SLC4A3: variants seen among roughly 807,000 people sequenced by gnomAD.
SLC4A3 encodes solute carrier family 4 member 3.
Under a neutral mutation model 114.2 loss-of-function variants are expected in SLC4A3, and 47 were observed. The ratio of observed to expected loss-of-function variants is 0.41; its 90% CI spans 0.33 to 0.52. The LOEUF is 0.52. Among genes scored for constraint, SLC4A3 ranks in the 20% least tolerant of loss-of-function variants. SLC4A3 has a pLI of 0.21. For missense variants in SLC4A3, 1,312 were observed against 1,668.3 expected (o/e 0.79, Z 3.72); for synonymous variants, 693 against 710.3 (o/e 0.98, Z 0.39).
At chr2:219,640,708 G>A in intron 21 of SLC4A3, 81 bp from the exon 22 acceptor site, 6 of 1,572,434 alleles carry the variant, frequency 3.8e-6, no homozygotes, top group Non-Finnish European at 5.2e-6. Context: ...GCTGTGACCT[G>A]GGAGCCAAAT....
intron 9 of SLC4A3, 35 bp from the exon 10 acceptor site, chr2:219,633,239 T>C (rs1339450304): frequency 2.3e-5 from 35 of 1,528,690 alleles, no homozygotes; most frequent in Non-Finnish European, 3.1e-5. Flanking sequence ...ACCATGAGCC[T>C]CTCCTCCTCA....
chr2:219,633,519 T>C, intron 10 of SLC4A3, 62 bp downstream of exon 10: 1 of 1,390,214 alleles, frequency 7.2e-7, no homozygotes, highest in Non-Finnish European at 9.6e-7. Flanking sequence ...TCAGTCGAGG[T>C]CATCGACGAC....
chr2:219,629,742 G>A (rs1198195120), intron 5 of SLC4A3, 47 bp downstream of exon 5: 1 of 1,362,380 alleles, frequency 7.3e-7, no homozygotes, highest in East Asian at 2.4e-5. Flanking sequence ...CAGAGCCACA[G>A]GGTCCAGAGC....
chr2:219,633,453 A>G lies in SLC4A3; in HGVS notation c.1457A>G (p.Lys486Arg). The G allele has an allele frequency of 6.5e-7, 1 of 1,541,226 alleles. No individual in the cohort carries two copies. The highest frequency in any genetic ancestry group is 8.7e-7 in the Non-Finnish European group (1 of 1,143,736). ...APLWPHDPDA[K>R]EKPLHMPGGD... ...CTCTGGCCACATGACCCTGACGCCA[A>G]GGAGGTCAGTGCCCTTGCTTTGGCT... The change falls in exon 10 of 23, where the codon AAG becomes AGG. Residue 486 changes from lysine to arginine, a missense_variant. Physicochemically the swap from Lys to Arg is conservative, Grantham distance 26. Coordinates refer to ENST00000358055, the MANE Select transcript of SLC4A3 (RefSeq NM_005070.4).
rs972428859 is a variant in SLC4A3, at chr2:219,638,379, G to A, written c.2856+126G>A. ...ACTCAACTTTCCCAGTGGAGTGGCC[G>A]CCCTGGGGGCTGAGGGCCTTCCCCA... On this transcript the variant is annotated intron_variant, in intron 18 of 22. Coordinates refer to ENST00000358055, the MANE Select transcript of SLC4A3 (RefSeq NM_005070.4). The surrounding 1 kb of genome is among the most constrained non-coding windows in gnomAD (Gnocchi z 7.5). 3.2e-5 allele frequency: 25 copies of A among 772,064 alleles called. No individual in the cohort carries two copies. The highest frequency in any genetic ancestry group is 6.5e-5 in the South Asian group (4 of 61,286). 47.8% of individuals were successfully genotyped at this position (772,064 alleles called of 1,614,324 possible).
Position 219,631,220 on chromosome 2 carries a change from G to A in SLC4A3, c.812-748G>A. 8.1e-7 allele frequency: 1 copy of A among 1,237,868 alleles called. No homozygotes were observed. 76.7% of individuals were successfully genotyped at this position (1,237,868 alleles called of 1,614,324 possible). ...GGGTCTGGTAGGGAGCGGAGGCCGA[G>A]GTCTCGGCCACCGGGAGAATGACGA... is the stretch of plus-strand genomic sequence containing the variant. On this transcript the variant is annotated intron_variant, in intron 6 of 22. Transcript: ENST00000358055. The surrounding 1 kb of genome is among the most constrained non-coding windows in gnomAD (Gnocchi z 6.3).
chr2:219,634,407 C>T lies in SLC4A3; in HGVS notation c.1562-13C>T. 6.2e-7 allele frequency: 1 copy of T among 1,613,532 alleles called. No homozygotes were observed. The highest frequency in any genetic ancestry group is 1.1e-5 in the South Asian group (1 of 91,012). ...CTCTTTGCCCAGCGCCCTGTGCTTT[C>T]CTCTTCCCCTAGGTTGTGTGCCTTT... On this transcript the variant is annotated splice_polypyrimidine_tract_variant and intron_variant, in intron 11 of 22. Coordinates refer to ENST00000358055, the MANE Select transcript of SLC4A3 (RefSeq NM_005070.4).
In SLC4A3 at chr2:219,628,586, A is replaced by G. The variant is rs758036477; in HGVS notation, c.217+16A>G. ...GACTTTGAGTGTGGGTAGCCTGGGG[A>G]CCCCTAGTGCGGCCGCCCTCGCCAC... On this transcript the variant is annotated intron_variant, in intron 3 of 22. Transcript: ENST00000358055. This position sits in a 1 kb window ranked among gnomAD's most constrained non-coding sequence, Gnocchi z 4.8. The G allele has an allele frequency of 1.2e-6, 2 of 1,609,342 alleles. No individual in the cohort carries two copies. The highest frequency in any genetic ancestry group is 2.7e-5 in the African/African-American group (2 of 74,350).
rs1347460243 is a variant in SLC4A3, at chr2:219,636,279, C to T, written c.2192-23C>T. The T allele has an allele frequency of 1.9e-6, 3 of 1,612,450 alleles. No homozygotes were observed. Among genetic ancestry groups the T allele is most frequent in the Admixed American group, 1.7e-5 (1 of 60,000 alleles). On this transcript the variant is annotated intron_variant, in intron 14 of 22. Coordinates refer to ENST00000358055, the MANE Select transcript of SLC4A3 (RefSeq NM_005070.4). The surrounding 1 kb of genome is among the most constrained non-coding windows in gnomAD (Gnocchi z 5.5). ...GCAGATAGACAGAGCCAGGCTAGGGCCATCCTACCCGTGCTATGGCAGGAG... is the reference window on the plus strand; with the variant it reads ...GCAGATAGACAGAGCCAGGCTAGGGTCATCCTACCCGTGCTATGGCAGGAG...
At position 219,630,265 on chromosome 2, in the gene SLC4A3, G is replaced by A. The variant is rs780964562; in HGVS notation, c.724G>A (p.Gly242Ser). 3.7e-6 allele frequency: 6 copies of A among 1,613,286 alleles called. No individual in the cohort carries two copies. In the African/African-American group the frequency reaches 8.0e-5, roughly 22 times the overall value. ...GCGACTGTGCCCAGGCAGTGCCCTG[G>A]GCAACCCAGGTGGTCCAGAGCAGCA... ...RERLCPGSALGNPGGPEQQVP... is the reference protein window; with the variant it reads ...RERLCPGSALSNPGGPEQQVP... Residue 242 changes from glycine to serine, a missense_variant, in exon 6 of 23, where the codon GGC becomes AGC. Coordinates refer to ENST00000358055, the MANE Select transcript of SLC4A3 (RefSeq NM_005070.4). The surrounding 1 kb of genome is among the most constrained non-coding windows in gnomAD (Gnocchi z 6.9).
chr2:219,633,138 G>A (rs895706981), intron 9 of SLC4A3, 129 bp downstream of exon 9: 3 of 1,401,564 alleles, frequency 2.1e-6, no homozygotes, highest in South Asian at 1.3e-5. Context: ...TCTATCTTTT[G>A]ACACTTTCAA....
Position 219,637,772 on chromosome 2 carries a change from C to T in SLC4A3, c.2727C>T (p.Phe909=), listed in dbSNP as rs1212103832. ...LMLGTFFIAF[F]LRKFRNSRFL... is the part of the protein sequence containing the mutation. ...TCGGGACCTTCTTCATAGCCTTCTT[C>T]CTGCGCAAGTTCAGGAACAGCCGCT... Residue 909 remains phenylalanine, a synonymous_variant, in exon 17 of 23, where the codon TTC becomes TTT. Coordinates refer to ENST00000358055, the MANE Select transcript of SLC4A3 (RefSeq NM_005070.4). The surrounding 1 kb of genome is among the most constrained non-coding windows in gnomAD (Gnocchi z 4.6). 6.2e-7 allele frequency: 1 copy of T among 1,613,848 alleles called. No homozygotes were observed. Among genetic ancestry groups the T allele is most frequent in the African/African-American group, 1.3e-5 (1 of 74,900 alleles).
intron 9 of SLC4A3, 26 bp from the exon 10 acceptor site, chr2:219,633,248 C>T (rs1038525811): frequency 1.3e-6 from 2 of 1,537,236 alleles, no homozygotes; most frequent in East Asian, 2.3e-5. Flanking sequence ...CTCTCCTCCT[C>T]ACCTGCCTCA....
Position 219,635,667 on chromosome 2 carries a change from C to T in SLC4A3, c.1973-6C>T. ...TCTGTGCCCCAGCAGCCCCTTGTTC[C>T]CCCAGAACTGTCTTTGGAGTTGGGG... On this transcript the variant is annotated splice_polypyrimidine_tract_variant and splice_region_variant and intron_variant, in intron 13 of 22. Transcript: ENST00000358055. 1 of 1,576,230 alleles carries T rather than the reference C, an allele frequency of 6.3e-7. No homozygotes were observed. Among genetic ancestry groups the T allele is most frequent in the Non-Finnish European group, 8.6e-7 (1 of 1,162,166 alleles).
At position 219,627,718 on chromosome 2, in the gene SLC4A3, T is replaced by C. The variant is rs1195825490; in HGVS notation, c.-121T>C. On this transcript the variant is annotated 5_prime_UTR_variant, in exon 1 of 23. Coordinates refer to ENST00000358055, the MANE Select transcript of SLC4A3 (RefSeq NM_005070.4). Reference sequence around the variant, plus strand: ...GGGACATGGGGCGCGGCGGCCCGCCTGGGCCTCGCAGGCTCCGGAGCCCCG... The same window carrying C: ...GGGACATGGGGCGCGGCGGCCCGCCCGGGCCTCGCAGGCTCCGGAGCCCCG... The C allele has an allele frequency of 1.2e-5, 3 of 251,898 alleles. No individual in the cohort carries two copies. The highest frequency in any genetic ancestry group is 2.3e-5 in the African/African-American group (1 of 43,956). 15.6% of individuals were successfully genotyped at this position (251,898 alleles called of 1,614,324 possible). A position where few individuals can be genotyped will look rare whatever the true frequency, so the allele number is the denominator to read the frequency against.
At chr2:219,629,983 G>A in intron 5 of SLC4A3, 170 bp from the exon 6 acceptor site, 1 of 1,351,058 alleles carries the variant, frequency 7.4e-7, no homozygotes, top group Non-Finnish European at 1.0e-6. Flanking sequence ...GTGGAGGAAA[G>A]GGGGAGCCAC....
At position 219,628,542 on chromosome 2, in the gene SLC4A3, C is replaced by A; in HGVS notation, c.189C>A (p.Ser63Arg). The change falls in exon 3 of 23, where the codon AGC (serine) becomes AGA (arginine). Residue 63 changes from serine to arginine, a missense_variant. Transcript: ENST00000358055. The surrounding 1 kb of genome is among the most constrained non-coding windows in gnomAD (Gnocchi z 4.8). The stretch of plus-strand genomic sequence containing the variant: ...CGGCCTGGGACCCCGAGAAGCCCAG[C>A]CGCAGCTACAGCGAGCGGGACTTTG... Reference protein sequence around the residue: ...KPPAWDPEKPSRSYSERDFEF... With the variant: ...KPPAWDPEKPRRSYSERDFEF... 6.2e-7 allele frequency: 1 copy of A among 1,613,432 alleles called. No individual in the cohort carries two copies. Among genetic ancestry groups the A allele is most frequent in the Non-Finnish European group, 8.5e-7 (1 of 1,179,848 alleles).
chr2:219,632,520 C>G, intron 8 of SLC4A3, 78 bp downstream of exon 8: 3 of 1,425,482 alleles, frequency 2.1e-6, no homozygotes, highest in Non-Finnish European at 2.8e-6. Context: ...CAGGAACACT[C>G]TCTAGAGTCC....
Position 219,628,429 on chromosome 2 carries a change from C to T in SLC4A3, c.76C>T (p.Pro26Ser), listed in dbSNP as rs1283035425. 3 of 1,612,922 alleles carry T rather than the reference C, an allele frequency of 1.9e-6. No individual in the cohort carries two copies. The highest frequency in any genetic ancestry group is 1.7e-6 in the Non-Finnish European group (2 of 1,179,678). ...PQVRVPLEEP[P>S]LSPDVEEEDD... ...GGTCCGGGTGCCCTTGGAGGAGCCC[C>T]CTCTAAGTCCAGACGTGGAGGAGGA... is the stretch of plus-strand genomic sequence containing the variant. Residue 26 changes from proline to serine, a missense_variant, in exon 3 of 23, where the codon CCT becomes TCT. Pro to Ser is a moderately conservative substitution (Grantham distance 74). Around this residue, in one of 4 missense-constraint regions of SLC4A3, gnomAD observed 236 missense variants for 212.1 expected, o/e 1.11. Transcript: ENST00000358055. The surrounding 1 kb of genome is among the most constrained non-coding windows in gnomAD (Gnocchi z 4.8).
Sources: gnomAD v4.1 joint callset for allele counts on GRCh38, gnomAD v4.1.1 for gene constraint, gnomAD v4.1.1 regional missense constraint, Gnocchi (gnomAD v3.1) non-coding constraint, MANE v1.5 for transcripts, NCBI Gene and HGNC (gene_info 2026-07-23, HGNC 2026-07-21) for gene names.